Variants in SIK2 observed in about 807,000 individuals in gnomAD.
SIK2 encodes the protein salt inducible kinase 2, also known as serine/threonine-protein kinase SIK2.
SIK2 carries 29 observed loss-of-function variants against 103.2 expected under a neutral mutation model. The ratio of observed to expected loss-of-function variants is 0.28; its 90% CI spans 0.21 to 0.38. The LOEUF is 0.38. SIK2 is among the 10% of genes least tolerant of loss of function. The pLI is 1.00. For missense variants in SIK2, 879 were observed against 1,171.0 expected (o/e 0.75, Z 3.64); for synonymous variants, 412 against 446.1 (o/e 0.92, Z 0.96).
chr11:111,615,803 T>C (rs1188816930), intron 1 of SIK2, among the ~76,000 whole-genome samples: 2 of 152,242 alleles, frequency 1.3e-5, no homozygotes, highest in Non-Finnish European at 2.9e-5. Flanking sequence ...TTGAAACTTA[T>C]CACTTGCTTT....
At chr11:111,676,130 T>TAGTACTCC (rs1353418771) in intron 3 of SIK2, among the ~76,000 whole-genome samples, 3 of 152,216 alleles carry the variant, frequency 2.0e-5, no homozygotes, top group Non-Finnish European at 4.4e-5. Context: ...CCATCATGTG[T>TAGTACTCC]ATGTATTATG....
intron 14 of SIK2, 84 bp from the exon 15 acceptor site, chr11:111,723,412 G>C (rs1943864540): frequency 7.2e-7 from 1 of 1,398,312 alleles, no homozygotes; most frequent in African/African-American, 1.4e-5. Context: ...GAAGACTGAA[G>C]CTAGTGACTG....
intron 2 of SIK2, among the ~76,000 whole-genome samples, chr11:111,618,341 G>C (rs1003924423): frequency 6.6e-6 from 1 of 152,084 alleles, no homozygotes; most frequent in African/African-American, 2.4e-5. Context: ...TCTGTGACCC[G>C]GCGGTTAGGA....
chr11:111,699,833 G>C (rs1943168296), intron 4 of SIK2, among the ~76,000 whole-genome samples: 1 of 152,176 alleles, frequency 6.6e-6, no homozygotes, highest in African/African-American at 2.4e-5. Context: ...GGCTCACAAA[G>C]ACTGATCCAA....
intron 3 of SIK2, among the ~76,000 whole-genome samples, chr11:111,651,628 G>A (rs1435113127): frequency 1.3e-5 from 2 of 152,150 alleles, no homozygotes; most frequent in Non-Finnish European, 2.9e-5. Context: ...AACCACCATG[G>A]CACACGTTTA....
In SIK2 at chr11:111,608,900, G is replaced by A. The variant is rs145225114; in HGVS notation, c.135+6202G>A. Among the ~76,000 whole-genome samples, 312 of 152,184 alleles carry A rather than the reference G, an allele frequency of 2.1e-3. 6 individuals carry two copies. The highest frequency in any genetic ancestry group is 0.02 in the East Asian group (105 of 5,184). On this transcript the variant is annotated intron_variant, in intron 1 of 14. Coordinates refer to ENST00000304987, the MANE Select transcript of SIK2 (RefSeq NM_015191.3). The stretch of plus-strand genomic sequence containing the variant: ...ATTACCCTCCAGAAAAGGAGTACCC[G>A]TTAATTTTCACCAGGAAGAACTCAT...
intron 1 of SIK2, among the ~76,000 whole-genome samples, chr11:111,607,631 G>T (rs1222347448): frequency 6.6e-6 from 1 of 152,106 alleles, no homozygotes; most frequent in African/African-American, 2.4e-5. Flanking sequence ...TTTGTATCTA[G>T]TCTTATGTAT....
At chr11:111,605,886 G>A (rs1941642661) in intron 1 of SIK2, among the ~76,000 whole-genome samples, 1 of 152,148 alleles carries the variant, frequency 6.6e-6, no homozygotes, top group Non-Finnish European at 1.5e-5. Flanking sequence ...GTTAGATCTC[G>A]ATGTGAATTT....
chr11:111,706,442 A>G (rs183205631), intron 8 of SIK2, among the ~76,000 whole-genome samples: 5 of 152,258 alleles, frequency 3.3e-5, no homozygotes, highest in African/African-American at 1.2e-4. Flanking sequence ...GTTGGTTAGT[A>G]TGCTCCATTG....
Position 111,700,033 on chromosome 11 carries a change from A to G in SIK2, c.479-853A>G, listed in dbSNP as rs143019934. Among the ~76,000 whole-genome samples the G allele has an allele frequency of 2.1e-3, 318 of 152,360 alleles. 1 individual carries two copies. Among genetic ancestry groups the G allele is most frequent in the African/African-American group, 7.1e-3 (297 of 41,582 alleles). On this transcript the variant is annotated intron_variant, in intron 4 of 14. Coordinates refer to ENST00000304987, the MANE Select transcript of SIK2 (RefSeq NM_015191.3). ...GACAGCATGAGTATAACTTAACAAG[A>G]TAATAGGTATTTGTTTCTTCGGTAA...
intron 1 of SIK2, among the ~76,000 whole-genome samples, chr11:111,608,014 A>T (rs1424799682): frequency 6.6e-6 from 1 of 152,222 alleles, no homozygotes; most frequent in African/African-American, 2.4e-5. Context: ...CTGATGGCAG[A>T]TTCATTTCCT....
rs957320321 is a variant in SIK2 at position 111,602,799 on chromosome 11, G to C, written c.135+101G>C. Reference sequence around the variant, plus strand: ...CAGTGGTGGGACCGGGGAGACCCGAGAGGCCGCCTCACTGGCGGAGGCGAG... The same window carrying C: ...CAGTGGTGGGACCGGGGAGACCCGACAGGCCGCCTCACTGGCGGAGGCGAG... On this transcript the variant is annotated intron_variant, in intron 1 of 14. Coordinates refer to ENST00000304987, the MANE Select transcript of SIK2 (RefSeq NM_015191.3). This position sits in a 1 kb window ranked among gnomAD's most constrained non-coding sequence, Gnocchi z 4.5. The C allele has an allele frequency of 9.4e-6, 13 of 1,382,042 alleles. No homozygotes were observed. The highest frequency in any genetic ancestry group is 1.2e-5 in the Non-Finnish European group (13 of 1,070,468). 85.6% of individuals were successfully genotyped at this position (1,382,042 alleles called of 1,614,324 possible). A position where few individuals can be genotyped will look rare whatever the true frequency, so the allele number is the denominator to read the frequency against.
intron 8 of SIK2, among the ~76,000 whole-genome samples, chr11:111,710,564 A>G (rs995531994): frequency 3.3e-5 from 5 of 152,232 alleles, no homozygotes; most frequent in Admixed American, 3.3e-4. Flanking sequence ...AGTATTTGAG[A>G]ACGAGACTGC....
rs780531429 is a variant in SIK2, at chr11:111,720,980, A to G, written c.1862A>G (p.Tyr621Cys). Reference protein sequence around the residue: ...ILELNKVQLLYEQIGPEADPN... With the variant: ...ILELNKVQLLCEQIGPEADPN... ...GAGTTGAACAAAGTGCAGTTGTTGT[A>G]TGAACAAATAGGACCGGAGGCAGAC... Residue 621 changes from tyrosine to cysteine, a missense_variant, in exon 12 of 15, where the codon TAT becomes TGT. By Grantham distance (194) the Tyr-to-Cys change is radical (BLOSUM62 -2). Coordinates refer to ENST00000304987, the MANE Select transcript of SIK2 (RefSeq NM_015191.3). 3 of 1,614,232 alleles carry G rather than the reference A, an allele frequency of 1.9e-6. No homozygotes were observed. Among genetic ancestry groups the G allele is most frequent in the Non-Finnish European group, 2.5e-6 (3 of 1,180,040 alleles).
In SIK2 at chr11:111,703,292, A is replaced by AT; in HGVS notation, c.818dup (p.Glu274ArgfsTer17). 6.2e-7 allele frequency: 1 copy of AT among 1,614,200 alleles called. No homozygotes were observed. Among genetic ancestry groups the AT allele is most frequent in the Non-Finnish European group, 8.5e-7 (1 of 1,180,022 alleles). On this transcript the variant is annotated frameshift_variant, in exon 7 of 15. Coordinates refer to ENST00000304987, the MANE Select transcript of SIK2 (RefSeq NM_015191.3). LOFTEE classifies it high-confidence loss of function. ...AATCAAGGAGCATAAATGGATGCTC[A>AT]TAGAAGTTCCTGTCCAGAGACCTGT... is the stretch of plus-strand genomic sequence containing the variant.
chr11:111,719,861 C>T lies in SIK2; in HGVS notation c.1353C>T (p.Ser451=). Residue 451 remains serine, a synonymous_variant, in exon 10 of 15, where the codon TCC becomes TCT. Coordinates refer to ENST00000304987, the MANE Select transcript of SIK2 (RefSeq NM_015191.3). The part of the protein sequence containing the change: ...QSLPSNMMET[S]IDEGLETEGE... ...TGCCCAGCAACATGATGGAGACCTCCATTGACGAAGGGCTGGAGACAGAAG... is the reference window on the plus strand; with the variant it reads ...TGCCCAGCAACATGATGGAGACCTCTATTGACGAAGGGCTGGAGACAGAAG... 1 of 1,614,132 alleles carries T rather than the reference C, an allele frequency of 6.2e-7. No individual in the cohort carries two copies. Among genetic ancestry groups the T allele is most frequent in the Non-Finnish European group, 8.5e-7 (1 of 1,180,024 alleles).
intron 3 of SIK2, among the ~76,000 whole-genome samples, chr11:111,680,278 A>T (rs765527701): frequency 1.3e-5 from 2 of 152,140 alleles, no homozygotes; most frequent in Non-Finnish European, 2.9e-5. Flanking sequence ...GCCAGTTTTG[A>T]TTACCTTATT....
At chr11:111,619,552 C>T (rs554693036) in intron 2 of SIK2, among the ~76,000 whole-genome samples, 5 of 152,222 alleles carry the variant, frequency 3.3e-5, no homozygotes, top group South Asian at 2.1e-4. Flanking sequence ...GCCATGTTGG[C>T]CAGGCTGGTG....
intron 3 of SIK2, among the ~76,000 whole-genome samples, chr11:111,638,079 C>A (rs1373003486): frequency 6.6e-6 from 1 of 152,106 alleles, no homozygotes; most frequent in Admixed American, 6.6e-5. Flanking sequence ...TTGGGGATTT[C>A]CAATGTTTGT....
Sources: gnomAD v4.1 joint callset for allele counts (sites outside exome capture counted in the v4.1 genomes callset) on GRCh38, gnomAD v4.1.1 for gene constraint, Gnocchi (gnomAD v3.1) non-coding constraint, MANE v1.5 for transcripts, NCBI Gene and HGNC (gene_info 2026-07-23, HGNC 2026-07-21) for gene names.